NEBL: variants seen among roughly 807,000 people sequenced by gnomAD.
The protein encoded by NEBL is LIM and SH3 protein 2.
NEBL carries 122 observed loss-of-function variants against 140.2 expected under a neutral mutation model. The observed-to-expected ratio is 0.87, with a 90% CI of 0.75 to 1.01. The LOEUF (loss-of-function observed/expected upper bound fraction) is 1.01, where lower values mean the gene tolerates loss of function less well. Among genes scored for constraint, NEBL ranks in the 50% least tolerant of loss-of-function variants. The pLI, the probability that NEBL is intolerant of heterozygous loss-of-function variation, is 0.00. For synonymous variants in NEBL, 436 were observed against 398.9 expected, an observed-to-expected ratio of 1.09 and a Z score of -1.11; for missense variants, 1,365 against 1,231.3, an observed-to-expected ratio of 1.11 and a Z score of -1.62.
At chr10:20,818,963 T>C (rs1839004439) in intron 20 of NEBL, 1 of 962,142 alleles carries the variant, frequency 1.0e-6, no homozygotes, top group Non-Finnish European at 1.2e-6. Context: ...ATTATTGCAG[T>C]TGTTAAATTT....
chr10:20,978,112 A>G (rs778002498), intron 3 of NEBL, among the ~76,000 whole-genome samples: 31 of 152,326 alleles, frequency 2.0e-4, no homozygotes, highest in Admixed American at 7.8e-4. Flanking sequence ...AAGGAAATAG[A>G]TATGAAAAAT....
intron 2 of NEBL, among the ~76,000 whole-genome samples, chr10:21,161,509 A>G (rs1840559248): frequency 6.6e-6 from 1 of 152,202 alleles, no homozygotes; most frequent in African/African-American, 2.4e-5. Flanking sequence ...GACAAAGGCA[A>G]TTAGACCATT....
At chr10:21,171,354 A>G (rs1240761424) in intron 2 of NEBL, among the ~76,000 whole-genome samples, 2 of 124,096 alleles carry the variant, frequency 1.6e-5, no homozygotes, top group Admixed American at 7.7e-5. Context: ...AAAAAAGAAA[A>G]AAAAAAAAGA....
intron 1 of NEBL, among the ~76,000 whole-genome samples, chr10:21,285,291 A>G (rs892133772): frequency 1.3e-5 from 2 of 152,176 alleles, no homozygotes; most frequent in African/African-American, 2.4e-5. Context: ...TCAAGCTGGG[A>G]GCTGCTTAGG....
At chr10:21,001,922 T>G (rs45525632) in intron 3 of NEBL, among the ~76,000 whole-genome samples, 15,002 of 152,186 alleles carry the variant, frequency 0.099, 965 homozygotes, top group African/African-American at 0.19. Flanking sequence ...CCACCAACAC[T>G]TATTTCTCAT....
chr10:21,157,153 A>G (rs1209403265), intron 2 of NEBL, among the ~76,000 whole-genome samples: 1 of 152,236 alleles, frequency 6.6e-6, no homozygotes, highest in Non-Finnish European at 1.5e-5. Context: ...ATGCATGTCA[A>G]AGGAAGAAAC....
At chr10:21,274,997 G>A (rs889862615) in intron 1 of NEBL, among the ~76,000 whole-genome samples, 5 of 152,132 alleles carry the variant, frequency 3.3e-5, no homozygotes, top group Non-Finnish European at 7.4e-5. Flanking sequence ...AGAGGAGGAA[G>A]AAAGTCCATG....
chr10:20,859,703 T>C lies in NEBL; in HGVS notation c.798+10A>G. 1 of 1,525,568 alleles carries C rather than the reference T, an allele frequency of 6.6e-7. No individual in the cohort carries two copies. Among genetic ancestry groups the C allele is most frequent in the Admixed American group, 1.7e-5 (1 of 59,094 alleles). 94.5% of individuals were successfully genotyped at this position (1,525,568 alleles called of 1,614,324 possible). A position where few individuals can be genotyped will look rare whatever the true frequency, so the allele number is the denominator to read the frequency against. Reference sequence around the variant, plus strand: ...ATTTTGAAAATAATTTTCTATGAATTACAACTTACATTGCTCGCCAGTGTA... The same window carrying C: ...ATTTTGAAAATAATTTTCTATGAATCACAACTTACATTGCTCGCCAGTGTA... On this transcript the variant is annotated intron_variant, in intron 8 of 27. Transcript: ENST00000377122.
intron 3 of NEBL, among the ~76,000 whole-genome samples, chr10:21,205,034 A>G (rs1841804427): frequency 6.6e-6 from 1 of 152,236 alleles, no homozygotes; most frequent in Non-Finnish European, 1.5e-5. Context: ...AATCAGTCAG[A>G]GTCCATTTCT....
chr10:21,114,932 G>A (rs577500455), intron 2 of NEBL, among the ~76,000 whole-genome samples: 7 of 151,520 alleles, frequency 4.6e-5, no homozygotes, highest in East Asian at 1.9e-4. Context: ...TAAATATATC[G>A]TCATGCTATT....
At chr10:20,821,841 C>T (rs1839350820) in intron 19 of NEBL, among the ~76,000 whole-genome samples, 1 of 152,212 alleles carries the variant, frequency 6.6e-6, no homozygotes, top group African/African-American at 2.4e-5. Context: ...AAGTACTCAT[C>T]ACACTAAACC....
At chr10:20,836,982 G>T (rs1170564653) in intron 13 of NEBL, among the ~76,000 whole-genome samples, 1 of 152,128 alleles carries the variant, frequency 6.6e-6, no homozygotes, top group Admixed American at 6.5e-5. Flanking sequence ...CTGCTCCACT[G>T]ATCAGCCGTT....
chr10:20,986,263 C>T (rs756718335), intron 3 of NEBL, among the ~76,000 whole-genome samples: 28 of 152,110 alleles, frequency 1.8e-4, no homozygotes, highest in Non-Finnish European at 2.4e-4. Context: ...AGGTTGGTTC[C>T]GCTGTTGCAA....
At chr10:21,019,017 A>C (rs1338769715) in intron 3 of NEBL, among the ~76,000 whole-genome samples, 4 of 151,914 alleles carry the variant, frequency 2.6e-5, no homozygotes. Context: ...ACAGAGCAAG[A>C]CTCCGTTCTC....
intron 2 of NEBL, among the ~76,000 whole-genome samples, chr10:21,034,724 C>T (rs1361402144): frequency 6.6e-6 from 1 of 152,136 alleles, no homozygotes; most frequent in Non-Finnish European, 1.5e-5. Context: ...AAATTTTATA[C>T]ATTAAATTCA....
At chr10:20,801,851 A>T (rs946614129) in intron 26 of NEBL, among the ~76,000 whole-genome samples, 7 of 152,184 alleles carry the variant, frequency 4.6e-5, no homozygotes, top group Non-Finnish European at 7.4e-5. Context: ...CCGGAAGCAT[A>T]GCCTGGCTAG....
intron 4 of NEBL, among the ~76,000 whole-genome samples, chr10:20,937,378 T>C (rs1834547685): frequency 6.6e-6 from 1 of 152,102 alleles, no homozygotes; most frequent in Non-Finnish European, 1.5e-5. Context: ...CCATGAGAGA[T>C]GTAGGAGAAA....
At chr10:21,136,402 C>T (rs981117296) in intron 2 of NEBL, among the ~76,000 whole-genome samples, 8 of 152,290 alleles carry the variant, frequency 5.3e-5, no homozygotes, top group Admixed American at 2.6e-4. Flanking sequence ...CATCACAGCT[C>T]GCTGCAGTTT....
At chr10:20,835,436 T>C (rs1356996310) in intron 14 of NEBL, 77 bp downstream of exon 14, 1 of 1,041,822 alleles carries the variant, frequency 9.6e-7, no homozygotes, top group Non-Finnish European at 1.5e-6. Flanking sequence ...AAATTCCATA[T>C]AGTAATCAAG....
Sources: allele counts gnomAD v4.1 joint callset (sites outside exome capture counted in the v4.1 genomes callset), GRCh38; gene constraint gnomAD v4.1.1; transcripts MANE v1.5; gene names NCBI Gene and HGNC (gene_info 2026-07-23, HGNC 2026-07-21).